Variants in ATXN10 observed in about 807,000 individuals in gnomAD.
ATXN10 encodes ataxin 10.
In ATXN10, 28 loss-of-function variants were observed where a neutral mutation model predicts 52.9. That is an observed-to-expected ratio of 0.53 (90% confidence interval 0.39 to 0.73). The LOEUF is 0.73. ATXN10 is among the 30% of genes least tolerant of loss of function. ATXN10 has a pLI of 0.00. For missense variants in ATXN10, 565 were observed against 577.0 expected, an observed-to-expected ratio of 0.98 and a Z score of 0.21; for synonymous variants, 226 against 221.5, an observed-to-expected ratio of 1.02 and a Z score of -0.18.
Position 45,718,971 on chromosome 22 carries a change from C to T in ATXN10, c.728+478C>T, listed in dbSNP as rs971788361. On this transcript the variant is annotated intron_variant, in intron 6 of 11. Transcript: ENST00000252934. The surrounding 1 kb of genome is among the most constrained non-coding windows in gnomAD (Gnocchi z 4.4). ...TAGGAAAAACAGTGACCTAGGAGTTCTAAGACACTGGCCCTGTGCTTTGCT... is the reference window on the plus strand; with the variant it reads ...TAGGAAAAACAGTGACCTAGGAGTTTTAAGACACTGGCCCTGTGCTTTGCT... Among the ~76,000 whole-genome samples the T allele has an allele frequency of 5.9e-5, 9 of 151,742 alleles. No homozygotes were observed. Among genetic ancestry groups the T allele is most frequent in the African/African-American group, 1.9e-4 (8 of 41,314 alleles).
chr22:45,758,805 C>T (rs1185996241), intron 9 of ATXN10, among the ~76,000 whole-genome samples: 1 of 152,170 alleles, frequency 6.6e-6, no homozygotes, highest in African/African-American at 2.4e-5. Context: ...TGTGACATCT[C>T]GTTTATAACA....
At chr22:45,807,755 A>C (rs2146885572) in intron 10 of ATXN10, among the ~76,000 whole-genome samples, 1 of 152,314 alleles carries the variant, frequency 6.6e-6, no homozygotes, top group East Asian at 1.9e-4. Context: ...TCCCTGGTGA[A>C]AGCCAAACTT....
At chr22:45,713,254 C>T (rs1412510332) in intron 5 of ATXN10, among the ~76,000 whole-genome samples, 1 of 152,054 alleles carries the variant, frequency 6.6e-6, no homozygotes, top group African/African-American at 2.4e-5. Context: ...ATTCATCTGC[C>T]TGCAACTGTT....
At chr22:45,746,548 G>A (rs1385658941) in intron 9 of ATXN10, among the ~76,000 whole-genome samples, 1 of 152,146 alleles carries the variant, frequency 6.6e-6, no homozygotes, top group African/African-American at 2.4e-5. Context: ...ACTAATATGT[G>A]TTAGTGTTTT....
At chr22:45,693,442 A>G (rs1329236447) in intron 3 of ATXN10, among the ~76,000 whole-genome samples, 1 of 152,138 alleles carries the variant, frequency 6.6e-6, no homozygotes, top group Non-Finnish European at 1.5e-5. Flanking sequence ...GTCTTCATAG[A>G]TGGTGCCTCT....
In ATXN10 at chr22:45,757,979, G is replaced by A. The variant is rs543047925; in HGVS notation, c.1173+17441G>A. On this transcript the variant is annotated intron_variant, in intron 9 of 11. Transcript: ENST00000252934. The surrounding 1 kb of genome is among the most constrained non-coding windows in gnomAD (Gnocchi z 4.6). ...AGAAGAAAAAAAGTTGAGCTTTTGT[G>A]ATGACACACAAATTCAAACTAAATT... Among the ~76,000 whole-genome samples the A allele has an allele frequency of 9.8e-5, 15 of 152,368 alleles. No homozygotes were observed. The highest frequency in any genetic ancestry group is 3.4e-3 in the Middle Eastern group (1 of 294).
At chr22:45,747,715 C>T (rs959504903) in intron 9 of ATXN10, among the ~76,000 whole-genome samples, 2 of 152,170 alleles carry the variant, frequency 1.3e-5, no homozygotes, top group African/African-American at 4.8e-5. Flanking sequence ...ACAAGTGTCT[C>T]AACCTTTCTG....
chr22:45,822,295 C>A (rs1928674511), intron 10 of ATXN10, among the ~76,000 whole-genome samples: 1 of 152,138 alleles, frequency 6.6e-6, no homozygotes, highest in Non-Finnish European at 1.5e-5. Context: ...TCCTGCTACA[C>A]ATATGTGTGG....
At chr22:45,764,750 A>G (rs1926525350) in intron 9 of ATXN10, among the ~76,000 whole-genome samples, 2 of 152,212 alleles carry the variant, frequency 1.3e-5, no homozygotes, top group Admixed American at 6.5e-5. Flanking sequence ...CCACGTGTAT[A>G]TTTAGTAAGC....
At chr22:45,730,318 C>T (rs79806177) in intron 7 of ATXN10, among the ~76,000 whole-genome samples, 12,649 of 140,328 alleles carry the variant, frequency 0.09, 668 homozygotes, top group Middle Eastern at 0.16. Flanking sequence ...CCCTCCAGCT[C>T]GGGTGATGCA....
At chr22:45,737,117 G>A (rs992971118) in intron 7 of ATXN10, among the ~76,000 whole-genome samples, 2 of 152,172 alleles carry the variant, frequency 1.3e-5, no homozygotes, top group Non-Finnish European at 2.9e-5. Context: ...TTTTCATTAT[G>A]AAGCCATAGC....
At position 45,763,640 on chromosome 22, in the gene ATXN10, C is replaced by T. The variant is rs904898179; in HGVS notation, c.1173+23102C>T. ...CCCTTCCTTTTCCCCAGGTTGGGCT[C>T]TTGCCTTTTTCTCTGTTCCTTCACT... is the stretch of plus-strand genomic sequence containing the variant. On this transcript the variant is annotated intron_variant, in intron 9 of 11. Coordinates refer to ENST00000252934, the MANE Select transcript of ATXN10 (RefSeq NM_013236.4). This position sits in a 1 kb window ranked among gnomAD's most constrained non-coding sequence, Gnocchi z 6.9. Among the ~76,000 whole-genome samples, 6 of 152,228 alleles carry T rather than the reference C, an allele frequency of 3.9e-5. No homozygotes were observed. Among genetic ancestry groups the T allele is most frequent in the African/African-American group, 7.2e-5 (3 of 41,458 alleles).
intron 10 of ATXN10, among the ~76,000 whole-genome samples, chr22:45,807,330 A>T (rs1928133694): frequency 6.6e-6 from 1 of 152,166 alleles, no homozygotes; most frequent in Non-Finnish European, 1.5e-5. Flanking sequence ...CACCGGTGTC[A>T]CCTTTCCAGT....
At chr22:45,752,268 G>A (rs993316521) in intron 9 of ATXN10, among the ~76,000 whole-genome samples, 4 of 152,084 alleles carry the variant, frequency 2.6e-5, no homozygotes, top group African/African-American at 7.2e-5. Context: ...CTGTTCTCTC[G>A]AGGAATTCAC....
rs1279328320 is a variant in ATXN10 at position 45,718,326 on chromosome 22, GT to G, written c.648-86del. ...ATTCACTGAAAAGAAATGCTTTTGT[GT>G]GTAAGTGGTGCCTATAAAGTAGATA... On this transcript the variant is annotated intron_variant, in intron 5 of 11. Transcript: ENST00000252934. The surrounding 1 kb of genome is among the most constrained non-coding windows in gnomAD (Gnocchi z 4.4). 27 of 957,944 alleles carry G rather than the reference GT, an allele frequency of 2.8e-5. 1 individual carries two copies. The Middle Eastern group carries it at 5.0e-3, about 178-fold the overall frequency. The allele number at this position is 957,944 out of a possible 1,614,324, so 59.3% of individuals were successfully genotyped here. A position where few individuals can be genotyped will look rare whatever the true frequency, so the allele number is the denominator to read the frequency against.
chr22:45,743,650 G>C (rs975688519), intron 9 of ATXN10, among the ~76,000 whole-genome samples: 1 of 152,210 alleles, frequency 6.6e-6, no homozygotes, highest in African/African-American at 2.4e-5. Flanking sequence ...GAGGGATTTC[G>C]TATCATCTAG....
In ATXN10 at chr22:45,795,439, C is replaced by A. The variant is rs369764252; in HGVS notation, c.1174-11520C>A. ...TATTCTATTCTTTTTGAGATGAAGT[C>A]TCTCTATGTTGCCCAGGCTGGAGTG... On this transcript the variant is annotated intron_variant, in intron 9 of 11. Transcript: ENST00000252934. The surrounding 1 kb of genome is among the most constrained non-coding windows in gnomAD (Gnocchi z 4.6). Among the ~76,000 whole-genome samples, 11 of 135,076 alleles carry A rather than the reference C, an allele frequency of 8.1e-5. No homozygotes were observed. In the South Asian group the frequency reaches 2.2e-3, roughly 27 times the overall value. 88.6% of individuals were successfully genotyped at this position (135,076 alleles called of 152,430 possible).
rs144019432 is a variant in ATXN10, at chr22:45,740,754, G to GTATA, written c.1173+226_1173+229dup. 84 of 286,216 alleles carry GTATA rather than the reference G, an allele frequency of 2.9e-4. 2 individuals are homozygous for GTATA. Among genetic ancestry groups the GTATA allele is most frequent in the South Asian group, 8.6e-4 (14 of 16,352 alleles). 17.7% of individuals were successfully genotyped at this position (286,216 alleles called of 1,614,324 possible). A position where few individuals can be genotyped will look rare whatever the true frequency, so the allele number is the denominator to read the frequency against. Reference sequence around the variant, plus strand: ...CACACACACACGTGTGTGTGTGTGTGTATATATATATATGTATATGTTAAT... The same window carrying GTATA: ...CACACACACACGTGTGTGTGTGTGTGTATATATATATATATATGTATATGTTAAT... On this transcript the variant is annotated intron_variant, in intron 9 of 11. Transcript: ENST00000252934.
chr22:45,753,701 C>A (rs1334456775), intron 9 of ATXN10, among the ~76,000 whole-genome samples: 1 of 151,990 alleles, frequency 6.6e-6, no homozygotes, highest in East Asian at 1.9e-4. Flanking sequence ...GCCACTGCGC[C>A]CATCTCAGTT....
Sources: allele counts gnomAD v4.1 joint callset (sites outside exome capture counted in the v4.1 genomes callset), GRCh38; gene constraint gnomAD v4.1.1; non-coding constraint Gnocchi (gnomAD v3.1); transcripts MANE v1.5; gene names NCBI Gene and HGNC (gene_info 2026-07-23, HGNC 2026-07-21).